Variants in TMEM181 observed in about 807,000 individuals in gnomAD.
TMEM181 encodes the protein G protein-coupled receptor 178.
Under a neutral mutation model 71.9 loss-of-function variants are expected in TMEM181, and 39 were observed. The observed-to-expected ratio is 0.54, with a 90% CI of 0.42 to 0.71. TMEM181 has a LOEUF of 0.71. Among genes scored for constraint, TMEM181 ranks in the 30% least tolerant of loss-of-function variants. The pLI, the probability that TMEM181 is intolerant of heterozygous loss-of-function variation, is 0.00. For missense variants in TMEM181, 595 were observed against 583.0 expected, an observed-to-expected ratio of 1.02 and a Z score of -0.21; for synonymous variants, 245 against 228.8, an observed-to-expected ratio of 1.07 and a Z score of -0.64.
chr6:158,601,122 A>G (rs889006433), intron 6 of TMEM181, among the ~76,000 whole-genome samples: 3 of 152,256 alleles, frequency 2.0e-5, no homozygotes, highest in Non-Finnish European at 2.9e-5. Flanking sequence ...ATAATGTTAT[A>G]AAATTTAAAT....
At chr6:158,631,670 G>T in intron 16 of TMEM181, 140 bp from the exon 17 acceptor site, 1 of 985,954 alleles carries the variant, frequency 1.0e-6, no homozygotes. Context: ...GGAGGACGGG[G>T]TGAGCAGTAG....
chr6:158,593,277 C>T (rs1784209858), intron 6 of TMEM181, among the ~76,000 whole-genome samples: 1 of 152,106 alleles, frequency 6.6e-6, no homozygotes, highest in South Asian at 2.1e-4. Flanking sequence ...ACTATATATA[C>T]TGATTTAAGA....
At chr6:158,544,398 A>G (rs966077106) in intron 1 of TMEM181, among the ~76,000 whole-genome samples, 1 of 152,082 alleles carries the variant, frequency 6.6e-6, no homozygotes, top group African/African-American at 2.4e-5. Flanking sequence ...ATCAGGACAC[A>G]AGGAGCCACT....
chr6:158,605,570 TC>T (rs1270948528), intron 7 of TMEM181, among the ~76,000 whole-genome samples: 3 of 152,172 alleles, frequency 2.0e-5, no homozygotes, highest in Non-Finnish European at 4.4e-5. Flanking sequence ...AGAGTGCACG[TC>T]CGTGACTTTT....
At chr6:158,627,135 A>T (rs576013147) in intron 13 of TMEM181, among the ~76,000 whole-genome samples, 1 of 128,352 alleles carries the variant, frequency 7.8e-6, no homozygotes, top group Admixed American at 7.9e-5. Context: ...ACCCTTGCTC[A>T]CACACCTTAC....
intron 1 of TMEM181, among the ~76,000 whole-genome samples, chr6:158,565,774 G>T (rs9364974): frequency 0.47 from 70,724 of 151,816 alleles, 16,937 homozygotes; most frequent in East Asian, 0.81. Flanking sequence ...TGGAGCCCCT[G>T]CAATGAAATC....
intron 1 of TMEM181, among the ~76,000 whole-genome samples, chr6:158,567,065 T>C (rs1782551881): frequency 6.6e-6 from 1 of 152,196 alleles, no homozygotes; most frequent in Admixed American, 6.5e-5. Flanking sequence ...GGGGACAGTT[T>C]ATTTCCTTGC....
At position 158,632,689 on chromosome 6, in the gene TMEM181, A is replaced by G. The variant is rs1351233798; in HGVS notation, c.*801A>G. 2.6e-5 allele frequency: 4 copies of G among 152,186 alleles called. No individual in the cohort carries two copies. The highest frequency in any genetic ancestry group is 5.9e-5 in the Non-Finnish European group (4 of 68,046). 9.4% of individuals were successfully genotyped at this position (152,186 alleles called of 1,614,324 possible). A position where few individuals can be genotyped will look rare whatever the true frequency, so the allele number is the denominator to read the frequency against. The stretch of plus-strand genomic sequence containing the variant: ...TGTGGGAGGTATGGGCAGGAGAGGA[A>G]CCCTTACCATTCCAGTAAATAGCAG... On this transcript the variant is annotated 3_prime_UTR_variant, in exon 17 of 17. Transcript: ENST00000684151.
intron 6 of TMEM181, among the ~76,000 whole-genome samples, chr6:158,601,360 C>A (rs930756718): frequency 1.6e-4 from 25 of 151,816 alleles, no homozygotes; most frequent in African/African-American, 5.8e-4. Context: ...ACCAGCCTGA[C>A]CAACATAGTG....
At chr6:158,628,194 A>C in intron 13 of TMEM181, 1 of 689,924 alleles carries the variant, frequency 1.4e-6, no homozygotes, top group Non-Finnish European at 2.6e-6. Context: ...GGTCTAGCCC[A>C]CCTAGATCCG....
chr6:158,596,162 C>T (rs754091326), intron 6 of TMEM181, among the ~76,000 whole-genome samples: 3 of 152,096 alleles, frequency 2.0e-5, no homozygotes, highest in Admixed American at 6.6e-5. Flanking sequence ...CCTCATGATC[C>T]GCCCGCCTAG....
intron 6 of TMEM181, among the ~76,000 whole-genome samples, chr6:158,598,748 A>G (rs574152066): frequency 6.6e-6 from 1 of 150,636 alleles, no homozygotes; most frequent in South Asian, 2.1e-4. Context: ...ATCTCGGCTC[A>G]CTGCAAGCTC....
At chr6:158,584,236 T>C (rs563899044) in intron 4 of TMEM181, among the ~76,000 whole-genome samples, 192 bp downstream of exon 4, 10 of 152,360 alleles carry the variant, frequency 6.6e-5, no homozygotes, top group African/African-American at 2.2e-4. Flanking sequence ...TTGCGATAGA[T>C]AGACGTCCTC....
At chr6:158,597,805 C>T (rs776816159) in intron 6 of TMEM181, among the ~76,000 whole-genome samples, 1 of 152,150 alleles carries the variant, frequency 6.6e-6, no homozygotes, top group Non-Finnish European at 1.5e-5. Flanking sequence ...TGCACCGTGC[C>T]CCTCTACCCC....
chr6:158,552,551 G>C (rs760030139), intron 1 of TMEM181, among the ~76,000 whole-genome samples: 8 of 152,220 alleles, frequency 5.3e-5, no homozygotes, highest in Non-Finnish European at 1.2e-4. Flanking sequence ...AGTTACACTG[G>C]AGGAAAAGAT....
intron 2 of TMEM181, among the ~76,000 whole-genome samples, chr6:158,574,259 C>T (rs886648517): frequency 2.0e-5 from 3 of 152,196 alleles, no homozygotes; most frequent in Non-Finnish European, 4.4e-5. Context: ...ATTTGTGCCT[C>T]AAAAGGTTAG....
intron 15 of TMEM181, among the ~76,000 whole-genome samples, 188 bp from the exon 16 acceptor site, chr6:158,631,135 C>T (rs1786640459): frequency 1.3e-5 from 2 of 152,368 alleles, no homozygotes; most frequent in South Asian, 2.1e-4. Flanking sequence ...CCAGGCAGGC[C>T]AGGCCAGCCC....
At chr6:158,623,460 TAAAA>T (rs904088855) in intron 10 of TMEM181, 86 bp from the exon 11 acceptor site, 1 of 885,890 alleles carries the variant, frequency 1.1e-6, no homozygotes, top group Non-Finnish European at 1.7e-6. Context: ...TATTAATAAG[TAAAA>T]AAAACAAAAA....
chr6:158,572,312 A>G (rs1582963258), intron 1 of TMEM181: 1 of 44,016 alleles, frequency 2.3e-5, no homozygotes, highest in South Asian at 9.0e-5. Context: ...GGCTGAGCAT[A>G]CTATGTCCAT....
Sources: gnomAD v4.1 joint callset for allele counts (sites outside exome capture counted in the v4.1 genomes callset) on GRCh38, gnomAD v4.1.1 for gene constraint, MANE v1.5 for transcripts, NCBI Gene and HGNC (gene_info 2026-07-23, HGNC 2026-07-21) for gene names.